Variants in PHKA1 observed in about 807,000 individuals in gnomAD.
The protein encoded by PHKA1 is phosphorylase b kinase regulatory subunit alpha, skeletal muscle isoform.
PHKA1 carries 60 observed loss-of-function variants against 110.2 expected under a neutral mutation model. That is an observed-to-expected ratio of 0.54 (90% CI 0.44 to 0.68). The LOEUF (loss-of-function observed/expected upper bound fraction) is 0.68. Ranked by LOEUF, PHKA1 falls within the 30% of genes least tolerant of loss-of-function variation. The probability of loss-of-function intolerance (pLI) is 0.00; values close to 1 mark genes in which losing one functional copy is unlikely to be tolerated. For missense variants in PHKA1, 801 were observed against 942.5 expected, an observed-to-expected ratio of 0.85 and a Z score of 1.97; for synonymous variants, 316 against 333.6, an observed-to-expected ratio of 0.95 and a Z score of 0.58.
At chrX:72,605,246 C>T in intron 25 of PHKA1, 25 bp downstream of exon 25, 1 of 1,169,349 alleles carries the variant, frequency 8.6e-7, no homozygotes, top group Non-Finnish European at 1.2e-6. Context: ...TGAATTCCAC[C>T]TAAAATAGTT....
intron 6 of PHKA1, among the ~76,000 whole-genome samples, chrX:72,668,922 G>A (rs1195125410): frequency 8.9e-6 from 1 of 112,428 alleles, no homozygotes; most frequent in Non-Finnish European, 1.9e-5. Flanking sequence ...GACAGACAGA[G>A]ATATTCCCAT....
intron 18 of PHKA1, chrX:72,622,249 T>C (rs2052989898): frequency 2.7e-6 from 2 of 754,082 alleles, no homozygotes; most frequent in Non-Finnish European, 3.1e-6. Context: ...TGTTGTCCTA[T>C]TGTATGAGAT....
chrX:72,609,816 C>G, intron 22 of PHKA1, 113 bp from the exon 23 acceptor site: 1 of 554,140 alleles, frequency 1.8e-6, no homozygotes, highest in Non-Finnish European at 3.2e-6. Context: ...ACACACTGAA[C>G]TCTCTTCCTC....
chrX:72,623,036 TTATTAAGGATGGTGCTAAACAA>T (rs2053001755), intron 18 of PHKA1, 51 bp downstream of exon 18: 2 of 1,200,490 alleles, frequency 1.7e-6, no homozygotes, highest in Non-Finnish European at 2.3e-6. Flanking sequence ...GCAGCATAAA[TTATTAAGGATGGTGCTAAACAA>T]TATTTTGTAG....
intron 4 of PHKA1, among the ~76,000 whole-genome samples, chrX:72,694,217 G>A (rs182978643): frequency 8.9e-6 from 1 of 112,010 alleles, no homozygotes; most frequent in Non-Finnish European, 1.9e-5. Flanking sequence ...TCATTCTCAA[G>A]GTAACTGCCT....
intron 16 of PHKA1, among the ~76,000 whole-genome samples, chrX:72,630,999 GTTTTTTTTTTTT>G (rs146161152): frequency 8.9e-5 from 4 of 44,709 alleles, no homozygotes; most frequent in Non-Finnish European, 1.5e-4. Context: ...ATTTTTTCAG[GTTTTTTTTTTTT>G]TTTTTTTTTT....
At chrX:72,685,075 G>T (rs1461957538) in intron 4 of PHKA1, among the ~76,000 whole-genome samples, 2 of 111,552 alleles carry the variant, frequency 1.8e-5, no homozygotes, top group Non-Finnish European at 3.8e-5. Flanking sequence ...TGTTTTACAT[G>T]AATTATCCAT....
intron 8 of PHKA1, among the ~76,000 whole-genome samples, chrX:72,665,772 T>G (rs1306454507): frequency 8.9e-6 from 1 of 112,083 alleles, no homozygotes; most frequent in African/African-American, 3.2e-5. Context: ...TATCCCTTCC[T>G]CTGTTGAAGG....
chrX:72,610,659 C>T (rs2052795614), intron 22 of PHKA1, among the ~76,000 whole-genome samples: 1 of 111,335 alleles, frequency 9.0e-6, no homozygotes, highest in Non-Finnish European at 1.9e-5. Flanking sequence ...TGCTGGATCC[C>T]ATGGTAGTTC....
chrX:72,711,633 A>T (rs2054386094), intron 2 of PHKA1, among the ~76,000 whole-genome samples: 1 of 111,105 alleles, frequency 9.0e-6, no homozygotes. Context: ...AGTCCCAGCT[A>T]CTCGGGAGGC....
Position 72,622,218 on chromosome X carries a change from T to G in PHKA1, c.1960+891A>C, listed in dbSNP as rs557256017. On this transcript the variant is annotated intron_variant, in intron 18 of 31. Coordinates refer to ENST00000373542, the MANE Select transcript of PHKA1 (RefSeq NM_002637.4). ...TAAATGTCGGGCCCAAAAAAGAAAA[T>G]AGTCCTTCTGACTGCTAATGTGTTG... The G allele has an allele frequency of 1.6e-5, 12 of 752,141 alleles. No individual in the cohort carries two copies. In the African/African-American group the frequency reaches 1.9e-4, roughly 12 times the overall value. The allele number at this position is 752,141 out of a possible 1,213,427, so 62.0% of individuals were successfully genotyped here.
chrX:72,642,588 G>A (rs187793514), intron 14 of PHKA1, among the ~76,000 whole-genome samples: 1 of 110,694 alleles, frequency 9.0e-6, no homozygotes, highest in East Asian at 2.8e-4. Context: ...TGGGGTGACA[G>A]GGAATGGCCA....
intron 4 of PHKA1, among the ~76,000 whole-genome samples, chrX:72,690,174 G>A (rs1379386520): frequency 9.0e-6 from 1 of 110,806 alleles, no homozygotes; most frequent in Admixed American, 9.6e-5. Context: ...TTCTTGATGG[G>A]GTCCTTTGAA....
chrX:72,665,590 G>C (rs781799271), intron 8 of PHKA1, among the ~76,000 whole-genome samples: 7 of 111,354 alleles, frequency 6.3e-5, no homozygotes, highest in African/African-American at 9.8e-5. Context: ...AAACCCATGG[G>C]CCAATATCCC....
chrX:72,669,234 T>C (rs1157514137), intron 6 of PHKA1, among the ~76,000 whole-genome samples: 1 of 111,285 alleles, frequency 9.0e-6, no homozygotes, highest in Admixed American at 9.5e-5. Flanking sequence ...TAGTGGGAAC[T>C]CTCTGTGGAA....
Position 72,582,364 on chromosome X carries a change from ATT to A in PHKA1, c.3498+32_3498+33del, listed in dbSNP as rs782691301. ...AATGTCATCAGGTTGGAGTAAAAAC[ATT>A]TCTCTATTGAGAAAACAACAGGTTT... On this transcript the variant is annotated intron_variant, in intron 31 of 31. Transcript: ENST00000373542. 371 of 1,023,036 alleles carry A rather than the reference ATT, an allele frequency of 3.6e-4. 2 individuals carry two copies. The African/African-American group carries it at 6.0e-3, about 17-fold the overall frequency. The allele number at this position is 1,023,036 out of a possible 1,213,427, so 84.3% of individuals were successfully genotyped here.
At chrX:72,585,060 C>A (rs2052401052) in intron 29 of PHKA1, among the ~76,000 whole-genome samples, 1 of 109,699 alleles carries the variant, frequency 9.1e-6, no homozygotes, top group Non-Finnish European at 1.9e-5. Context: ...CACACTGTAT[C>A]CATAAGCAGA....
intron 29 of PHKA1, among the ~76,000 whole-genome samples, chrX:72,589,207 C>T (rs1413386198): frequency 8.9e-6 from 1 of 111,759 alleles, no homozygotes; most frequent in Non-Finnish European, 1.9e-5. Flanking sequence ...AATCCAGTAG[C>T]ACATCAAAAA....
Position 72,635,306 on chromosome X carries a change from C to T in PHKA1, c.1570-7G>A, listed in dbSNP as rs1316909642. The T allele has an allele frequency of 8.4e-7, 1 of 1,193,685 alleles. No homozygotes were observed. Among genetic ancestry groups the T allele is most frequent in the Non-Finnish European group, 1.1e-6 (1 of 880,463 alleles). ...ACTGTTGCTGGTCTATAAACTGAGA[C>T]AAATAAAAATAATAGATTAGATTAA... On this transcript the variant is annotated splice_polypyrimidine_tract_variant and splice_region_variant and intron_variant, in intron 15 of 31. Transcript: ENST00000373542.
Sources: allele counts gnomAD v4.1 joint callset (sites outside exome capture counted in the v4.1 genomes callset), GRCh38; gene constraint gnomAD v4.1.1; transcripts MANE v1.5; gene names NCBI Gene and HGNC (gene_info 2026-07-23, HGNC 2026-07-21).